The following RFTN1 variants were observed in gnomAD, a reference collection of about 807,000 sequenced individuals.
RFTN1 encodes the protein raftlin, lipid raft linker 1.
A neutral mutation model predicts 46.5 loss-of-function variants in RFTN1; 26 were observed. The ratio of observed to expected loss-of-function variants is 0.56; its 90% CI spans 0.41 to 0.78. RFTN1 has a LOEUF of 0.78. RFTN1 is among the 30% of genes least tolerant of loss of function. RFTN1 has a pLI of 0.00. For synonymous variants in RFTN1, 261 were observed against 284.2 expected (o/e 0.92, Z 0.82); for missense variants, 693 against 718.7 (o/e 0.96, Z 0.41).
In RFTN1 at chr3:16,345,887, C is replaced by T. The variant is rs1035230243; in HGVS notation, c.1146+12045G>A. The T allele has an allele frequency of 6.6e-6, 1 of 151,580 alleles. No homozygotes were observed. Among genetic ancestry groups the T allele is most frequent in the African/African-American group, 2.4e-5 (1 of 41,186 alleles). 9.4% of individuals were successfully genotyped at this position (151,580 alleles called of 1,614,324 possible). A position where few individuals can be genotyped will look rare whatever the true frequency, so the allele number is the denominator to read the frequency against. On this transcript the variant is annotated intron_variant, in intron 7 of 9. Transcript: ENST00000334133. This position sits in a 1 kb window ranked among gnomAD's most constrained non-coding sequence, Gnocchi z 5.2. The stretch of plus-strand genomic sequence containing the variant: ...ATAATCTCCTACTGGTTCTGTTTTA[C>T]TGGAGAACCCTAATACACTTCTTTC...
chr3:16,373,751 C>T (rs900562912), intron 5 of RFTN1, among the ~76,000 whole-genome samples: 2 of 152,176 alleles, frequency 1.3e-5, no homozygotes, highest in African/African-American at 4.8e-5. Context: ...AACAAGTGGG[C>T]ATCACACTTG....
At position 16,380,132 on chromosome 3, in the gene RFTN1, G is replaced by A. The variant is rs2073935205; in HGVS notation, c.442-2030C>T. ...CACGGAAATAGCATGAAGTTTAAAG[G>A]CTTTTGGAAAGGCCTGATGTGGAGC... On this transcript the variant is annotated intron_variant, in intron 4 of 9. Transcript: ENST00000334133. The surrounding 1 kb of genome is among the most constrained non-coding windows in gnomAD (Gnocchi z 4.8). 6.6e-6 allele frequency among the ~76,000 whole-genome samples: 1 copy of A among 152,196 alleles called. No homozygotes were observed. Among genetic ancestry groups the A allele is most frequent in the East Asian group, 1.9e-4 (1 of 5,200 alleles).
chr3:16,372,487 G>A (rs1239269293), intron 5 of RFTN1, among the ~76,000 whole-genome samples: 4 of 152,138 alleles, frequency 2.6e-5, no homozygotes, highest in African/African-American at 4.8e-5. Context: ...AGCACCACTC[G>A]CTACAGCCTG....
At position 16,422,406 on chromosome 3, in the gene RFTN1, G is replaced by T. The variant is rs542153329; in HGVS notation, c.332+11445C>A. 3.9e-5 allele frequency among the ~76,000 whole-genome samples: 6 copies of T among 152,216 alleles called. No individual in the cohort carries two copies. The highest frequency in any genetic ancestry group is 1.4e-4 in the African/African-American group (6 of 41,546). On this transcript the variant is annotated intron_variant, in intron 3 of 9. Transcript: ENST00000334133. This position sits in a 1 kb window ranked among gnomAD's most constrained non-coding sequence, Gnocchi z 4.6. ...AGCACTTTGGGAGGCTGAGGCGGGT[G>T]GATCATGAGGTCAGGAGATGGAGAC...
At chr3:16,416,666 C>G (rs550422257) in intron 3 of RFTN1, among the ~76,000 whole-genome samples, 1 of 152,052 alleles carries the variant, frequency 6.6e-6, no homozygotes, top group Non-Finnish European at 1.5e-5. Context: ...TGGGACATAA[C>G]TGAACAAGTC....
chr3:16,455,747 T>C (rs1575318562), intron 2 of RFTN1, among the ~76,000 whole-genome samples: 1 of 152,124 alleles, frequency 6.6e-6, no homozygotes. Context: ...AGAGTCAAAA[T>C]AATCTAATCA....
intron 4 of RFTN1, among the ~76,000 whole-genome samples, chr3:16,405,144 T>G (rs1421705632): frequency 5.3e-5 from 8 of 152,128 alleles, no homozygotes; most frequent in Admixed American, 5.2e-4. Flanking sequence ...CTGGGAGCCC[T>G]GAGGAGTGGG....
chr3:16,333,477 C>G (rs2070525999), intron 7 of RFTN1, among the ~76,000 whole-genome samples: 1 of 150,530 alleles, frequency 6.6e-6, no homozygotes, highest in South Asian at 2.1e-4. Context: ...CTGTATCTAT[C>G]TAATTATGTC....
At chr3:16,490,901 A>G (rs980830948) in intron 2 of RFTN1, among the ~76,000 whole-genome samples, 3 of 152,218 alleles carry the variant, frequency 2.0e-5, no homozygotes, top group Non-Finnish European at 4.4e-5. Context: ...TCAAAAATAC[A>G]TGGTGAGTAT....
chr3:16,373,526 G>C lies in RFTN1; in HGVS notation c.827-3247C>G, dbSNP rs564994133. Reference sequence around the variant, plus strand: ...CCTGAGGTCTGTACCTGGGCGTGGGGACTCTGGCACAGGATGGAAGGCTGC... The same window carrying C: ...CCTGAGGTCTGTACCTGGGCGTGGGCACTCTGGCACAGGATGGAAGGCTGC... On this transcript the variant is annotated intron_variant, in intron 5 of 9. Transcript: ENST00000334133. Among the ~76,000 whole-genome samples the C allele has an allele frequency of 5.9e-5, 9 of 152,342 alleles. No individual in the cohort carries two copies. The South Asian group carries it at 1.9e-3, about 32-fold the overall frequency.
At position 16,452,080 on chromosome 3, in the gene RFTN1, C is replaced by T. The variant is rs945714473; in HGVS notation, c.146-18043G>A. 2.6e-5 allele frequency among the ~76,000 whole-genome samples: 4 copies of T among 152,128 alleles called. No homozygotes were observed. The highest frequency in any genetic ancestry group is 7.2e-5 in the African/African-American group (3 of 41,430). ...TAGAGCAGGATGGCACGAGATTTCA[C>T]CATGCTACTCAGAATAGTGAGTAAT... On this transcript the variant is annotated intron_variant, in intron 2 of 9. Transcript: ENST00000334133. The surrounding 1 kb of genome is among the most constrained non-coding windows in gnomAD (Gnocchi z 6.3).
chr3:16,397,204 G>A (rs1446651943), intron 4 of RFTN1, among the ~76,000 whole-genome samples: 4 of 152,074 alleles, frequency 2.6e-5, no homozygotes, highest in Non-Finnish European at 5.9e-5. Flanking sequence ...TTTACAACAT[G>A]GATAAACCTA....
chr3:16,385,557 TA>T lies in RFTN1; in HGVS notation c.442-7456del, dbSNP rs1044260177. On this transcript the variant is annotated intron_variant, in intron 4 of 9. Transcript: ENST00000334133. The surrounding 1 kb of genome is among the most constrained non-coding windows in gnomAD (Gnocchi z 5.0). ...ATTGGTCAAATCAGTTGATTTATTT[TA>T]GCCTCAGTTTCTTAATCTATAAAAT... Among the ~76,000 whole-genome samples the T allele has an allele frequency of 1.3e-5, 2 of 152,260 alleles. No individual in the cohort carries two copies. The highest frequency in any genetic ancestry group is 4.8e-5 in the African/African-American group (2 of 41,468).
chr3:16,444,383 GACTT>G (rs2075689660), intron 2 of RFTN1, among the ~76,000 whole-genome samples: 1 of 152,164 alleles, frequency 6.6e-6, no homozygotes, highest in African/African-American at 2.4e-5. Context: ...AAAATCTTAA[GACTT>G]AATTTCTTCA....
In RFTN1 at chr3:16,381,476, G is replaced by T. The variant is rs1437669132; in HGVS notation, c.442-3374C>A. Among the ~76,000 whole-genome samples, 1 of 152,098 alleles carries T rather than the reference G, an allele frequency of 6.6e-6. No individual in the cohort carries two copies. Among genetic ancestry groups the T allele is most frequent in the Non-Finnish European group, 1.5e-5 (1 of 68,034 alleles). On this transcript the variant is annotated intron_variant, in intron 4 of 9. Transcript: ENST00000334133. The surrounding 1 kb of genome is among the most constrained non-coding windows in gnomAD (Gnocchi z 4.2). ...AGATCAGGGATGTAACAAATGACGT[G>T]GTGTAACACAAAAGGAAGAATAAGA...
Position 16,448,909 on chromosome 3 carries a change from C to T in RFTN1, c.146-14872G>A, listed in dbSNP as rs1317000154. On this transcript the variant is annotated intron_variant, in intron 2 of 9. Coordinates refer to ENST00000334133, the MANE Select transcript of RFTN1 (RefSeq NM_015150.2). This position sits in a 1 kb window ranked among gnomAD's most constrained non-coding sequence, Gnocchi z 4.1. The stretch of plus-strand genomic sequence containing the variant: ...TATTCATAGCAGAAATATCAATAGA[C>T]AGTAGGCCCTCCAGTTGGTTGTGTT... 6.6e-6 allele frequency among the ~76,000 whole-genome samples: 1 copy of T among 152,184 alleles called. No homozygotes were observed. Among genetic ancestry groups the T allele is most frequent in the African/African-American group, 2.4e-5 (1 of 41,444 alleles).
chr3:16,477,573 T>C (rs2076302286), intron 2 of RFTN1, among the ~76,000 whole-genome samples: 1 of 152,150 alleles, frequency 6.6e-6, no homozygotes, highest in Admixed American at 6.5e-5. Flanking sequence ...ATAAACAACC[T>C]GCAATGAATC....
chr3:16,468,063 C>A lies in RFTN1; in HGVS notation c.145+25662G>T, dbSNP rs895453816. Among the ~76,000 whole-genome samples the A allele has an allele frequency of 1.3e-5, 2 of 152,144 alleles. No individual in the cohort carries two copies. The highest frequency in any genetic ancestry group is 1.3e-4 in the Admixed American group (2 of 15,276). ...AGTCTGCCAGACTCAAAGACTGGAACATTCAGGAAGTGCTTACTCAAAACA... is the reference window on the plus strand; with the variant it reads ...AGTCTGCCAGACTCAAAGACTGGAAAATTCAGGAAGTGCTTACTCAAAACA... On this transcript the variant is annotated intron_variant, in intron 2 of 9. Coordinates refer to ENST00000334133, the MANE Select transcript of RFTN1 (RefSeq NM_015150.2). The surrounding 1 kb of genome is among the most constrained non-coding windows in gnomAD (Gnocchi z 4.4).
intron 1 of RFTN1, among the ~76,000 whole-genome samples, chr3:16,508,215 C>T (rs2076841807): frequency 6.6e-6 from 1 of 152,158 alleles, no homozygotes; most frequent in Non-Finnish European, 1.5e-5. Context: ...GCCACAGTAC[C>T]AGCCCTCCAC....
Sources: gnomAD v4.1 joint callset for allele counts (sites outside exome capture counted in the v4.1 genomes callset) on GRCh38, gnomAD v4.1.1 for gene constraint, Gnocchi (gnomAD v3.1) non-coding constraint, MANE v1.5 for transcripts, NCBI Gene and HGNC (gene_info 2026-07-23, HGNC 2026-07-21) for gene names.